Variants in ARHGAP24 observed in about 807,000 individuals in gnomAD.
ARHGAP24 encodes the protein rho GTPase-activating protein 24.
Under a neutral mutation model 76.4 loss-of-function variants are expected in ARHGAP24, and 50 were observed. That is an observed-to-expected ratio of 0.65 (90% CI 0.52 to 0.83). The LOEUF (loss-of-function observed/expected upper bound fraction) is 0.83, where lower values mean the gene tolerates loss of function less well. Ranked by LOEUF, ARHGAP24 falls within the 40% of genes least tolerant of loss-of-function variation. The probability of loss-of-function intolerance (pLI) is 0.00; values close to 1 mark genes in which losing one functional copy is unlikely to be tolerated. For synonymous variants in ARHGAP24, 345 were observed against 323.3 expected (o/e 1.07, Z -0.72); for missense variants, 930 against 914.2 (o/e 1.02, Z -0.22).
chr4:85,575,046 C>G (rs899206765), intron 2 of ARHGAP24, among the ~76,000 whole-genome samples: 4 of 152,110 alleles, frequency 2.6e-5, no homozygotes, highest in Non-Finnish European at 5.9e-5. Context: ...CCAACAATAC[C>G]TGGCAATATG....
At chr4:85,785,505 T>C (rs1727794157) in intron 3 of ARHGAP24, among the ~76,000 whole-genome samples, 1 of 150,344 alleles carries the variant, frequency 6.7e-6, no homozygotes, top group African/African-American at 2.5e-5. Flanking sequence ...TTTGTTTTGT[T>C]TTTTTAAGAA....
intron 3 of ARHGAP24, among the ~76,000 whole-genome samples, chr4:85,772,557 G>A (rs1374196669): frequency 6.6e-6 from 1 of 152,192 alleles, no homozygotes; most frequent in Non-Finnish European, 1.5e-5. Context: ...TTGACTTGAT[G>A]GAACTAGGGT....
At chr4:85,479,906 G>C (rs1319135273) in intron 1 of ARHGAP24, among the ~76,000 whole-genome samples, 1 of 152,168 alleles carries the variant, frequency 6.6e-6, no homozygotes, top group Non-Finnish European at 1.5e-5. Context: ...GTGTGGTTCA[G>C]GGTATAGCCA....
chr4:85,524,434 A>C (rs992710774), intron 1 of ARHGAP24, among the ~76,000 whole-genome samples: 14 of 152,170 alleles, frequency 9.2e-5, no homozygotes, highest in African/African-American at 3.4e-4. Context: ...AGTTTATATC[A>C]CAGAACTATA....
chr4:85,995,857 A>T (rs1292709324), intron 9 of ARHGAP24, among the ~76,000 whole-genome samples, 200 bp downstream of exon 9: 2 of 152,156 alleles, frequency 1.3e-5, no homozygotes, highest in African/African-American at 2.4e-5. Flanking sequence ...AACAATTTAA[A>T]TACTAGTAGT....
intron 2 of ARHGAP24, among the ~76,000 whole-genome samples, chr4:85,627,370 G>A (rs78227704): frequency 1.1e-4 from 17 of 152,204 alleles, no homozygotes; most frequent in Middle Eastern, 3.4e-3. Context: ...TATCATTAGC[G>A]GTGGCTGCAG....
At chr4:85,671,845 C>T (rs1023672663) in intron 2 of ARHGAP24, among the ~76,000 whole-genome samples, 16 of 152,128 alleles carry the variant, frequency 1.1e-4, no homozygotes, top group African/African-American at 3.9e-4. Context: ...TACTATTGGA[C>T]ACATGCAGAA....
chr4:85,926,752 T>C (rs990521033), intron 4 of ARHGAP24, among the ~76,000 whole-genome samples: 33 of 144,036 alleles, frequency 2.3e-4, no homozygotes, highest in African/African-American at 8.2e-4. Context: ...ACCACTGTTT[T>C]AGTTCAACCT....
At chr4:85,639,124 A>G (rs1015055681) in intron 2 of ARHGAP24, among the ~76,000 whole-genome samples, 1 of 152,150 alleles carries the variant, frequency 6.6e-6, no homozygotes, top group African/African-American at 2.4e-5. Context: ...AAATTGTCCT[A>G]AGATTGCCCA....
At chr4:85,547,224 G>A (rs76573461) in intron 1 of ARHGAP24, among the ~76,000 whole-genome samples, 8,047 of 152,068 alleles carry the variant, frequency 0.053, 250 homozygotes, top group African/African-American at 0.074. Flanking sequence ...CTTTCACCTG[G>A]GACAGTTCCT....
chr4:85,538,327 G>A (rs76974581), intron 1 of ARHGAP24, among the ~76,000 whole-genome samples: 8,000 of 152,212 alleles, frequency 0.053, 249 homozygotes, highest in African/African-American at 0.075. Flanking sequence ...TGAGTACACC[G>A]TAGTTATATG....
chr4:85,745,648 T>G (rs1245869250), intron 3 of ARHGAP24, among the ~76,000 whole-genome samples: 4 of 151,254 alleles, frequency 2.6e-5, no homozygotes, highest in Admixed American at 2.0e-4. Flanking sequence ...TGTACCTACT[T>G]GCATACTACA....
intron 3 of ARHGAP24, 39 bp downstream of exon 3, chr4:85,722,011 C>T: frequency 6.4e-7 from 1 of 1,565,270 alleles, no homozygotes; most frequent in Non-Finnish European, 8.8e-7. Flanking sequence ...TATTGTCATC[C>T]TGTGTTGGTA....
chr4:85,730,293 C>A (rs1410395955), intron 3 of ARHGAP24, among the ~76,000 whole-genome samples: 1 of 152,152 alleles, frequency 6.6e-6, no homozygotes, highest in Non-Finnish European at 1.5e-5. Context: ...TTTATTCAGT[C>A]CACACAAATT....
intron 3 of ARHGAP24, among the ~76,000 whole-genome samples, chr4:85,923,327 C>A (rs1203288467): frequency 6.6e-6 from 1 of 152,134 alleles, no homozygotes; most frequent in Non-Finnish European, 1.5e-5. Context: ...TTTGTTTTTG[C>A]TGTTTCTCCC....
chr4:85,950,256 G>C (rs1209895060), intron 5 of ARHGAP24, among the ~76,000 whole-genome samples: 3 of 152,130 alleles, frequency 2.0e-5, no homozygotes, highest in African/African-American at 7.2e-5. Flanking sequence ...ACTTTGGGAG[G>C]CCGAAGTGGG....
At chr4:85,834,019 T>G (rs796811966) in intron 3 of ARHGAP24, among the ~76,000 whole-genome samples, 2 of 152,322 alleles carry the variant, frequency 1.3e-5, no homozygotes, top group African/African-American at 4.8e-5. Flanking sequence ...TATTACGAAG[T>G]TTAGCTGAGA....
chr4:85,842,357 G>C (rs1164565920), intron 3 of ARHGAP24, among the ~76,000 whole-genome samples: 1 of 151,902 alleles, frequency 6.6e-6, no homozygotes, highest in Admixed American at 6.6e-5. Context: ...GGGTGATGCT[G>C]GACAAGTTAC....
intron 3 of ARHGAP24, among the ~76,000 whole-genome samples, chr4:85,753,507 G>C (rs1014682172): frequency 1.3e-5 from 2 of 152,108 alleles, no homozygotes; most frequent in Non-Finnish European, 2.9e-5. Flanking sequence ...TTAATGTCAG[G>C]GTATCATCCC....
Sources: allele counts gnomAD v4.1 joint callset (sites outside exome capture counted in the v4.1 genomes callset), GRCh38; gene constraint gnomAD v4.1.1; transcripts MANE v1.5; gene names NCBI Gene and HGNC (gene_info 2026-07-23, HGNC 2026-07-21).